Variants in KIF1B observed in about 807,000 individuals in gnomAD.
KIF1B encodes kinesin family member 1B.
In KIF1B, 76 loss-of-function variants were observed where a neutral mutation model predicts 241.9. The observed-to-expected ratio is 0.31, with a 90% confidence interval of 0.26 to 0.38. The LOEUF (loss-of-function observed/expected upper bound fraction) is 0.38. Ranked by LOEUF, KIF1B falls within the 10% of genes least tolerant of loss-of-function variation. KIF1B has a pLI of 1.00. For missense variants in KIF1B, 1,622 were observed against 2,271.4 expected (o/e 0.71, Z 5.81); for synonymous variants, 750 against 796.7 (o/e 0.94, Z 0.99).
intron 20 of KIF1B, 83 bp downstream of exon 20, chr1:10,296,748 G>T: frequency 7.0e-7 from 1 of 1,420,128 alleles, no homozygotes; most frequent in Non-Finnish European, 9.9e-7. Flanking sequence ...TTTAAAGGCT[G>T]AAGTAATAGT....
chr1:10,303,923 CTTT>C lies in KIF1B; in HGVS notation c.2115+6679_2115+6681del. The C allele has an allele frequency of 6.2e-7, 1 of 1,614,166 alleles. No individual in the cohort carries two copies. The highest frequency in any genetic ancestry group is 8.5e-7 in the Non-Finnish European group (1 of 1,180,030). On this transcript the variant is annotated intron_variant, in intron 22 of 48. Coordinates refer to ENST00000676179, the MANE Select transcript of KIF1B (RefSeq NM_001365951.3). This position sits in a 1 kb window ranked among gnomAD's most constrained non-coding sequence, Gnocchi z 5.2. ...TCCCAGCTGATGAATGGGGATCCAG[CTTT>C]TAGACGTGGACGTCTGCGCTGGATG... is the stretch of plus-strand genomic sequence containing the variant.
At chr1:10,238,616 G>A (rs924152712) in intron 2 of KIF1B, among the ~76,000 whole-genome samples, 1 of 151,680 alleles carries the variant, frequency 6.6e-6, no homozygotes, top group African/African-American at 2.4e-5. Context: ...GAGGTGGGAA[G>A]ATTTCTTGAG....
chr1:10,354,648 G>GATA (rs539776829), intron 38 of KIF1B, among the ~76,000 whole-genome samples: 1 of 152,124 alleles, frequency 6.6e-6, no homozygotes, highest in Non-Finnish European at 1.5e-5. Context: ...AATGAAGTTA[G>GATA]ATAATAATAA....
chr1:10,361,367 T>C (rs1638416193), intron 39 of KIF1B, among the ~76,000 whole-genome samples: 1 of 152,214 alleles, frequency 6.6e-6, no homozygotes, highest in Non-Finnish European at 1.5e-5. Flanking sequence ...TAGTGGTTAA[T>C]AGCCCAGACC....
intron 35 of KIF1B, among the ~76,000 whole-genome samples, chr1:10,347,545 C>T (rs927712116): frequency 1.3e-5 from 2 of 152,074 alleles, no homozygotes; most frequent in African/African-American, 4.8e-5. Flanking sequence ...CTGGATGCAA[C>T]CAAAAGATGT....
rs1328874183 is a variant in KIF1B, at chr1:10,210,581, A to C, written c.-377A>C. On this transcript the variant is annotated 5_prime_UTR_variant, in exon 1 of 49. Coordinates refer to ENST00000676179, the MANE Select transcript of KIF1B (RefSeq NM_001365951.3). This position sits in a 1 kb window ranked among gnomAD's most constrained non-coding sequence, Gnocchi z 4.1. The stretch of plus-strand genomic sequence containing the variant: ...GGCCGAAGCGGGGCAGTGTGACGGC[A>C]GCGGTCCTGGGAGGCGCCCGCGCGC... Among the ~76,000 whole-genome samples the C allele has an allele frequency of 6.6e-6, 1 of 152,012 alleles. No individual in the cohort carries two copies. Among genetic ancestry groups the C allele is most frequent in the Admixed American group, 6.5e-5 (1 of 15,268 alleles).
At chr1:10,305,719 A>G in intron 22 of KIF1B, 5 of 1,057,548 alleles carry the variant, frequency 4.7e-6, no homozygotes, top group Non-Finnish European at 5.7e-6. Context: ...ATGATGATTT[A>G]TTGTATCAAT....
intron 38 of KIF1B, among the ~76,000 whole-genome samples, chr1:10,353,080 A>C (rs1179911013): frequency 6.6e-6 from 1 of 152,212 alleles, no homozygotes; most frequent in Non-Finnish European, 1.5e-5. Flanking sequence ...AATTATTGCC[A>C]AGATTAAATT....
chr1:10,321,705 T>G lies in KIF1B; in HGVS notation c.2210-4T>G. ...CATTAAATATGCATCATTCATTCTTTCAGTTCCTTGGACACAGCATGAATT... is the reference window on the plus strand; with the variant it reads ...CATTAAATATGCATCATTCATTCTTGCAGTTCCTTGGACACAGCATGAATT... On this transcript the variant is annotated splice_region_variant and splice_polypyrimidine_tract_variant and intron_variant, in intron 23 of 48. Coordinates refer to ENST00000676179, the MANE Select transcript of KIF1B (RefSeq NM_001365951.3). The G allele has an allele frequency of 6.2e-7, 1 of 1,614,040 alleles. No homozygotes were observed. The highest frequency in any genetic ancestry group is 8.5e-7 in the Non-Finnish European group (1 of 1,179,862).
At chr1:10,282,299 C>T (rs777927659) in intron 14 of KIF1B, 23 bp from the exon 15 acceptor site, 67 of 1,589,700 alleles carry the variant, frequency 4.2e-5, no homozygotes, top group Non-Finnish European at 5.4e-5. Flanking sequence ...CTTTTCCTGC[C>T]TTCTCTTCTT....
intron 38 of KIF1B, 67 bp downstream of exon 38, chr1:10,352,803 C>G (rs186924094): frequency 8.9e-7 from 1 of 1,121,476 alleles, no homozygotes; most frequent in Admixed American, 1.7e-5. Flanking sequence ...CCGTTAGGTG[C>G]CTTATTCATT....
intron 38 of KIF1B, among the ~76,000 whole-genome samples, chr1:10,357,361 C>T (rs1638279401): frequency 6.6e-6 from 1 of 152,196 alleles, no homozygotes; most frequent in Non-Finnish European, 1.5e-5. Flanking sequence ...TGGGATTCAG[C>T]CCTGTTTGTA....
In KIF1B at chr1:10,291,065, T is replaced by C. The variant is rs1318537768; in HGVS notation, c.1435-17T>C. The C allele has an allele frequency of 1.9e-6, 3 of 1,604,892 alleles. No individual in the cohort carries two copies. The highest frequency in any genetic ancestry group is 2.6e-6 in the Non-Finnish European group (3 of 1,172,300). ...ATAAGACTCTTTGCCTCTTTAACTG[T>C]GCGCTTCCTTCCTTAGGAATCAGAG... On this transcript the variant is annotated splice_polypyrimidine_tract_variant and intron_variant, in intron 15 of 48. Coordinates refer to ENST00000676179, the MANE Select transcript of KIF1B (RefSeq NM_001365951.3).
chr1:10,368,335 AGAG>A (rs1446308995), intron 43 of KIF1B, 129 bp from the exon 44 acceptor site: 12 of 733,240 alleles, frequency 1.6e-5, no homozygotes, highest in Non-Finnish European at 3.0e-5. Context: ...ATGCATAGGG[AGAG>A]GAGATGTGGA....
At chr1:10,352,489 C>T (rs950111406) in intron 37 of KIF1B, 142 bp from the exon 38 acceptor site, 5 of 686,004 alleles carry the variant, frequency 7.3e-6, no homozygotes, top group East Asian at 5.4e-5. Context: ...GGAGTCAGAC[C>T]GTGGAGGACC....
intron 2 of KIF1B, among the ~76,000 whole-genome samples, chr1:10,235,199 T>G (rs2102135641): frequency 6.6e-6 from 1 of 152,066 alleles, no homozygotes; most frequent in Middle Eastern, 3.4e-3. Context: ...CAAAATAATT[T>G]CAATACAGGA....
chr1:10,256,281 A>G lies in KIF1B; in HGVS notation c.141A>G (p.Pro47=). Residue 47 remains proline (P), a synonymous_variant, in exon 3 of 49, where the codon CCA becomes CCG. Transcript: ENST00000676179. Reference sequence around the variant, plus strand: ...ACCCAAAGAATCCAAAGGAAGCTCCAAAGTCCTTCAGCTTCGACTATTCCT... The same window carrying G: ...ACCCAAAGAATCCAAAGGAAGCTCCGAAGTCCTTCAGCTTCGACTATTCCT... ...IINPKNPKEA[P]KSFSFDYSYW... is the part of the protein sequence containing the mutation. The G allele has an allele frequency of 6.2e-7, 1 of 1,612,698 alleles. No homozygotes were observed. The highest frequency in any genetic ancestry group is 2.2e-5 in the East Asian group (1 of 44,882).
At chr1:10,367,441 C>T (rs1002912244) in intron 43 of KIF1B, among the ~76,000 whole-genome samples, 3 of 151,904 alleles carry the variant, frequency 2.0e-5, no homozygotes, top group East Asian at 4.0e-4. Flanking sequence ...CGGTGGCACA[C>T]GCCTGTAATC....
chr1:10,213,957 C>T (rs890468198), intron 1 of KIF1B, among the ~76,000 whole-genome samples: 4 of 151,308 alleles, frequency 2.6e-5, no homozygotes, highest in Admixed American at 1.3e-4. Context: ...GACAACATAG[C>T]AGGACCCCCA....
Sources: allele counts gnomAD v4.1 joint callset (sites outside exome capture counted in the v4.1 genomes callset), GRCh38; gene constraint gnomAD v4.1.1; non-coding constraint Gnocchi (gnomAD v3.1); transcripts MANE v1.5; gene names NCBI Gene and HGNC (gene_info 2026-07-23, HGNC 2026-07-21).